AGTPBP1: variants seen among roughly 807,000 people sequenced by gnomAD.
AGTPBP1 encodes cytosolic carboxypeptidase 1.
Under a neutral mutation model 143.9 loss-of-function variants are expected in AGTPBP1, and 70 were observed. The ratio of observed to expected loss-of-function variants is 0.49; its 90% CI spans 0.40 to 0.59. The LOEUF (loss-of-function observed/expected upper bound fraction) is 0.59. Ranked by LOEUF, AGTPBP1 falls within the 20% of genes least tolerant of loss-of-function variation. AGTPBP1 has a pLI of 0.00. For missense variants in AGTPBP1, 1,229 were observed against 1,464.5 expected (o/e 0.84, Z 2.62); for synonymous variants, 463 against 500.2 (o/e 0.93, Z 0.99).
chr9:85,589,589 G>C lies in AGTPBP1; in HGVS notation c.2661C>G (p.Cys887Trp). 1 of 1,613,562 alleles carries C rather than the reference G, an allele frequency of 6.2e-7. No homozygotes were observed. The highest frequency in any genetic ancestry group is 8.5e-7 in the Non-Finnish European group (1 of 1,179,652). The change falls in exon 20 of 26, where the codon TGC becomes TGG. Residue 887 changes from cysteine (C) to tryptophan (W), a missense_variant. Cys to Trp is a radical substitution (Grantham distance 215, BLOSUM62 -2). Transcript: ENST00000357081. Reference sequence around the variant, plus strand: ...GCATTGCTGTTATAGTCACCAAGGGGCAGCTGTTTCCAGACAGGGTTTCAC... The same window carrying C: ...GCATTGCTGTTATAGTCACCAAGGGCCAGCTGTTTCCAGACAGGGTTTCAC... The part of the protein sequence containing the change: ...VLCETLSGNS[C>W]PLVTITAMPE...
rs182797518 is a variant in AGTPBP1, at chr9:85,698,756, G to A, written c.33-5943C>T. On this transcript the variant is annotated intron_variant, in intron 2 of 25. Transcript: ENST00000357081. ...CGCCCAGGCTGGAGTGCAGTGGCGC[G>A]ATCTTGGCTCACTGCAAGCTCCGCC... 3.9e-3 allele frequency among the ~76,000 whole-genome samples: 512 copies of A among 131,392 alleles called. 11 individuals carry two copies. Among genetic ancestry groups the A allele is most frequent in the Admixed American group, 0.037 (417 of 11,126 alleles). The allele number at this position is 131,392 out of a possible 152,430, so 86.2% of individuals were successfully genotyped here.
intron 17 of AGTPBP1, among the ~76,000 whole-genome samples, chr9:85,606,143 T>A (rs78400788): frequency 0.017 from 2,523 of 152,038 alleles, 30 homozygotes; most frequent in Middle Eastern, 0.054. Flanking sequence ...ATATTTACAA[T>A]CTATTTATCT....
the AGTPBP1 span, among the ~76,000 whole-genome samples, chr9:85,782,291 G>A: frequency 8.5e-5 from 13 of 152,198 alleles, no homozygotes; most frequent in Non-Finnish European, 1.5e-4. Flanking sequence ...AAGGCGGGTG[G>A]ATCACCGGAG....
chr9:85,646,870 TG>T (rs1832841993), intron 11 of AGTPBP1, among the ~76,000 whole-genome samples: 1 of 152,014 alleles, frequency 6.6e-6, no homozygotes, highest in South Asian at 2.1e-4. Flanking sequence ...TGGGCCACAC[TG>T]GAAGAGGAAG....
chr9:85,641,610 T>C (rs1192426469), intron 13 of AGTPBP1, among the ~76,000 whole-genome samples: 2 of 152,286 alleles, frequency 1.3e-5, no homozygotes, highest in Non-Finnish European at 2.9e-5. Flanking sequence ...TGGACAGTTG[T>C]TGCATCTTTT....
intron 25 of AGTPBP1, among the ~76,000 whole-genome samples, chr9:85,563,131 C>T (rs760269117): frequency 5.3e-5 from 8 of 152,170 alleles, no homozygotes; most frequent in South Asian, 4.1e-4. Flanking sequence ...ATCCAGTGTA[C>T]GGTATTTTGT....
At chr9:85,633,462 C>T (rs1831824302) in intron 13 of AGTPBP1, 88 bp from the exon 14 acceptor site, 1 of 1,084,020 alleles carries the variant, frequency 9.2e-7, no homozygotes, top group African/African-American at 1.6e-5. Context: ...TATATTGCTT[C>T]AGAAATTTTT....
At chr9:85,650,431 AAT>A (rs1833089801) in intron 11 of AGTPBP1, among the ~76,000 whole-genome samples, 1 of 152,156 alleles carries the variant, frequency 6.6e-6, no homozygotes, top group African/African-American at 2.4e-5. Flanking sequence ...ATGAACAGTA[AAT>A]ATGTTTTCTC....
chr9:85,777,467 G>C, the AGTPBP1 span, among the ~76,000 whole-genome samples: 3 of 152,350 alleles, frequency 2.0e-5, no homozygotes, highest in South Asian at 6.2e-4. Context: ...GCCTTGGTGA[G>C]TGGAAGTCCA....
At chr9:85,790,431 C>T in the AGTPBP1 span, among the ~76,000 whole-genome samples, 3 of 152,126 alleles carry the variant, frequency 2.0e-5, no homozygotes, top group Non-Finnish European at 4.4e-5. Flanking sequence ...CTTCCATTCC[C>T]TGGAATGTAC....
At chr9:85,592,423 T>C (rs1026193882) in intron 19 of AGTPBP1, 137 bp downstream of exon 19, 20 of 575,134 alleles carry the variant, frequency 3.5e-5, no homozygotes, top group Non-Finnish European at 5.0e-5. Flanking sequence ...TCAATTAGTA[T>C]AATTATCCTT....
upstream of AGTPBP1, among the ~76,000 whole-genome samples, chr9:85,746,999 G>A (rs183227371): frequency 1.2e-4 from 19 of 152,042 alleles, no homozygotes; most frequent in South Asian, 2.1e-4. Context: ...GACGACAGAC[G>A]CATACCACCA....
intron 1 of AGTPBP1, chr9:85,741,226 C>T: frequency 1.0e-6 from 1 of 985,440 alleles, no homozygotes; most frequent in Non-Finnish European, 1.2e-6. Flanking sequence ...AACCACCCAG[C>T]GAGAGGAAGC....
chr9:85,645,438 GT>G (rs748080449), intron 12 of AGTPBP1, among the ~76,000 whole-genome samples: 8 of 152,160 alleles, frequency 5.3e-5, no homozygotes, highest in Non-Finnish European at 8.8e-5. Context: ...GGACATAGAT[GT>G]AGTTTAGATT....
chr9:85,616,170 T>C (rs1295245252), intron 17 of AGTPBP1, among the ~76,000 whole-genome samples: 4 of 151,964 alleles, frequency 2.6e-5, no homozygotes, highest in African/African-American at 9.7e-5. Context: ...GCATTGTCAA[T>C]GGTTTTATTT....
At chr9:85,632,125 A>G (rs1424753700) in intron 14 of AGTPBP1, among the ~76,000 whole-genome samples, 1 of 152,010 alleles carries the variant, frequency 6.6e-6, no homozygotes, top group African/African-American at 2.4e-5. Context: ...GGTAAATGAG[A>G]TATTTTGATA....
chr9:85,727,176 A>C (rs1466742480), intron 1 of AGTPBP1, among the ~76,000 whole-genome samples: 3 of 152,050 alleles, frequency 2.0e-5, no homozygotes, highest in Admixed American at 6.6e-5. Context: ...AAAATACAAA[A>C]ATCAGCCGGG....
intron 14 of AGTPBP1, among the ~76,000 whole-genome samples, chr9:85,622,996 T>C (rs1231744868): frequency 6.6e-6 from 1 of 152,158 alleles, no homozygotes; most frequent in African/African-American, 2.4e-5. Context: ...TTTAGCAAAA[T>C]GTTATGAGAA....
At chr9:85,630,917 T>A (rs1340115510) in intron 14 of AGTPBP1, among the ~76,000 whole-genome samples, 2 of 152,202 alleles carry the variant, frequency 1.3e-5, no homozygotes, top group Non-Finnish European at 2.9e-5. Flanking sequence ...AGGCCGGCTG[T>A]AACATGTCCA....
Sources: gnomAD v4.1 joint callset for allele counts (sites outside exome capture counted in the v4.1 genomes callset) on GRCh38, gnomAD v4.1.1 for gene constraint, MANE v1.5 for transcripts, NCBI Gene and HGNC (gene_info 2026-07-23, HGNC 2026-07-21) for gene names.